The following DGKH variants were observed in gnomAD, a reference collection of about 807,000 sequenced individuals.
DGKH encodes the protein diacylglycerol kinase eta.
DGKH carries 90 observed loss-of-function variants against 159.3 expected under a neutral mutation model. The observed-to-expected ratio is 0.57, with a 90% CI of 0.48 to 0.67. The LOEUF (loss-of-function observed/expected upper bound fraction) is 0.67, where lower values mean the gene tolerates loss of function less well. Among genes scored for constraint, DGKH ranks in the 30% least tolerant of loss-of-function variants. The pLI is 0.00. For synonymous variants in DGKH, 536 were observed against 553.8 expected, an observed-to-expected ratio of 0.97 and a Z score of 0.45; for missense variants, 1,181 against 1,506.1, an observed-to-expected ratio of 0.78 and a Z score of 3.57.
intron 1 of DGKH, among the ~76,000 whole-genome samples, chr13:42,095,836 T>C (rs1204922599): frequency 1.3e-5 from 2 of 152,240 alleles, no homozygotes; most frequent in Admixed American, 1.3e-4. Flanking sequence ...GGGAAGTAAC[T>C]ATGCATTTGT....
At chr13:42,246,320 G>A (rs762741107), downstream of DGKH, among the ~76,000 whole-genome samples, 23 of 152,154 alleles carry the variant, frequency 1.5e-4, no homozygotes, top group African/African-American at 3.4e-4. Context: ...GTGGTGGCTC[G>A]CACCTGTAAT....
chr13:42,256,105 G>T (rs1295424102), intron 30 of DGKH: 1 of 1,197,808 alleles, frequency 8.3e-7, no homozygotes, highest in Non-Finnish European at 1.3e-6. Context: ...GTAGTATCAT[G>T]CCAGGCAAGG....
downstream of DGKH, among the ~76,000 whole-genome samples, chr13:42,245,272 G>T (rs1261075732): frequency 7.9e-5 from 12 of 152,186 alleles, no homozygotes; most frequent in African/African-American, 2.2e-4. Context: ...CTTGACGGTT[G>T]TTGACCCTTG....
intron 1 of DGKH, among the ~76,000 whole-genome samples, chr13:42,117,972 CTT>C (rs758191410): frequency 2.6e-5 from 4 of 152,142 alleles, no homozygotes; most frequent in Non-Finnish European, 4.4e-5. Context: ...AATCCCAGCA[CTT>C]TGGGAGGCCG....
At chr13:42,067,794 A>G (rs189790611) in intron 1 of DGKH, among the ~76,000 whole-genome samples, 2 of 152,144 alleles carry the variant, frequency 1.3e-5, no homozygotes, top group Non-Finnish European at 2.9e-5. Flanking sequence ...ATAAAATAAA[A>G]TAGATGAAAC....
At chr13:42,174,999 C>T (rs1004356611) in intron 12 of DGKH, among the ~76,000 whole-genome samples, 3 of 152,218 alleles carry the variant, frequency 2.0e-5, no homozygotes, top group Admixed American at 2.0e-4. Context: ...ATTCAGCATT[C>T]TGATTAAACC....
chr13:42,175,740 A>G (rs185391073), intron 12 of DGKH, among the ~76,000 whole-genome samples: 123 of 152,348 alleles, frequency 8.1e-4, no homozygotes, highest in African/African-American at 2.8e-3. Flanking sequence ...CTTTAAGATA[A>G]CAGATTAAAT....
intron 1 of DGKH, among the ~76,000 whole-genome samples, chr13:42,052,735 T>A (rs990930321): frequency 6.6e-6 from 1 of 152,250 alleles, no homozygotes; most frequent in African/African-American, 2.4e-5. Flanking sequence ...CTGCAACCTT[T>A]CATTTTATGG....
At chr13:42,074,900 T>C (rs192148407) in intron 1 of DGKH, among the ~76,000 whole-genome samples, 39 of 152,332 alleles carry the variant, frequency 2.6e-4, no homozygotes, top group African/African-American at 7.5e-4. Flanking sequence ...TGAAAGTGTG[T>C]GCCACTCATG....
chr13:42,139,318 A>G (rs1285556516), intron 3 of DGKH, among the ~76,000 whole-genome samples: 2 of 152,246 alleles, frequency 1.3e-5, no homozygotes, highest in Non-Finnish European at 2.9e-5. Context: ...TTCTTCTGCC[A>G]ACTCTGGAGC....
intron 1 of DGKH, chr13:42,066,378 CTG>C (rs1882576901): frequency 6.6e-6 from 1 of 152,200 alleles, no homozygotes; most frequent in Non-Finnish European, 1.5e-5. Context: ...TGACAGGTCA[CTG>C]TGAGGTGAAA....
intron 29 of DGKH, among the ~76,000 whole-genome samples, chr13:42,248,451 A>G (rs1958597103): frequency 6.8e-6 from 1 of 147,506 alleles, no homozygotes; most frequent in South Asian, 2.1e-4. Context: ...TAATATAGAT[A>G]TACATAAGTA....
intron 1 of DGKH, among the ~76,000 whole-genome samples, chr13:42,055,746 A>T (rs1881710936): frequency 6.6e-6 from 1 of 152,272 alleles, no homozygotes; most frequent in African/African-American, 2.4e-5. Flanking sequence ...ATCTAAGAAT[A>T]GACCTTTGAA....
chr13:42,081,502 TTACAGGTGTGAGC>T (rs1257025937), intron 1 of DGKH, among the ~76,000 whole-genome samples: 1 of 152,254 alleles, frequency 6.6e-6, no homozygotes, highest in African/African-American at 2.4e-5. Flanking sequence ...AGTGCTGAGA[TTACAGGTGTGAGC>T]TACTGCGCCT....
At chr13:42,126,284 T>TG (rs1351854729) in intron 1 of DGKH, among the ~76,000 whole-genome samples, 1 of 151,964 alleles carries the variant, frequency 6.6e-6, no homozygotes, top group African/African-American at 2.4e-5. Flanking sequence ...AAGATCAGGA[T>TG]GGGGGAAAAT....
intron 29 of DGKH, among the ~76,000 whole-genome samples, chr13:42,226,743 G>C (rs1244018757): frequency 9.2e-5 from 14 of 151,914 alleles, no homozygotes; most frequent in African/African-American, 3.4e-4. Flanking sequence ...TGTAATCCCA[G>C]CTACTTGAGA....
rs1417445973 is a variant in DGKH at position 42,151,501 on chromosome 13, G to A, written c.385-3790G>A. 2.0e-4 allele frequency among the ~76,000 whole-genome samples: 20 copies of A among 101,468 alleles called. No individual in the cohort carries two copies. In the East Asian group the frequency reaches 4.0e-3, roughly 20 times the overall value. The allele number at this position is 101,468 out of a possible 152,430, so 66.6% of individuals were successfully genotyped here. A position where few individuals can be genotyped will look rare whatever the true frequency, so the allele number is the denominator to read the frequency against. On this transcript the variant is annotated intron_variant, in intron 3 of 29. Transcript: ENST00000337343. ...ATGGTGTGTGTGTGTGTGTGTGTGT[G>A]TGTGTATACACATGTATATATATAC...
At chr13:42,041,961 T>C (rs1880536304) in intron 1 of DGKH, among the ~76,000 whole-genome samples, 1 of 152,208 alleles carries the variant, frequency 6.6e-6, no homozygotes, top group African/African-American at 2.4e-5. Flanking sequence ...TTGGCTGTCC[T>C]TTTTCTTTTC....
rs906574165 is a variant in DGKH at position 42,231,077 on chromosome 13, G to C, written c.*1889G>C. On this transcript the variant is annotated 3_prime_UTR_variant, in exon 30 of 30. Coordinates refer to ENST00000337343, the MANE Select transcript of DGKH (RefSeq NM_178009.5). ...AAGTAGTTTAAAAAGTCATGAGGCA[G>C]GGTGCTGTGGCTCACGCCTGTAATC... 7 of 152,170 alleles carry C rather than the reference G, an allele frequency of 4.6e-5. No homozygotes were observed. Among genetic ancestry groups the C allele is most frequent in the African/African-American group, 1.7e-4 (7 of 41,436 alleles). 9.4% of individuals were successfully genotyped at this position (152,170 alleles called of 1,614,324 possible).
Sources: allele counts gnomAD v4.1 joint callset (sites outside exome capture counted in the v4.1 genomes callset), GRCh38; gene constraint gnomAD v4.1.1; transcripts MANE v1.5; gene names NCBI Gene and HGNC (gene_info 2026-07-23, HGNC 2026-07-21).